GNAI1: variants seen among roughly 807,000 people sequenced by gnomAD.
The protein encoded by GNAI1 is G protein subunit alpha i1, also known as guanine nucleotide-binding protein G(i) subunit alpha-1.
A neutral mutation model predicts 38.9 loss-of-function variants in GNAI1; 11 were observed. The observed-to-expected ratio is 0.28, with a 90% CI of 0.18 to 0.47. The LOEUF is 0.47. Ranked by LOEUF, GNAI1 falls within the 20% of genes least tolerant of loss-of-function variation. The pLI is 0.99. For missense variants in GNAI1, 317 were observed against 436.9 expected (o/e 0.73, Z 2.45); for synonymous variants, 166 against 145.1 (o/e 1.14, Z -1.04).
At chr7:80,138,988 G>C (rs544243849) in intron 1 of GNAI1, among the ~76,000 whole-genome samples, 2 of 152,228 alleles carry the variant, frequency 1.3e-5, no homozygotes, top group South Asian at 4.2e-4. Flanking sequence ...TCCCCTAGTT[G>C]AGAAATGTTG....
rs59104301 is a variant in GNAI1, at chr7:80,180,322, AGTGTGTGT to A, written c.119-8608_119-8601del. On this transcript the variant is annotated intron_variant, in intron 1 of 7. Coordinates refer to ENST00000649796, the MANE Select transcript of GNAI1 (RefSeq NM_002069.6). ...ACTATAAAACAGAACATTCTTATAA[AGTGTGTGT>A]GTGTGTGTGTGTGTGTGTGTATATA... 4.7e-3 allele frequency among the ~76,000 whole-genome samples: 710 copies of A among 150,184 alleles called. 5 individuals are homozygous for A. Among genetic ancestry groups the A allele is most frequent in the African/African-American group, 0.015 (622 of 41,072 alleles).
intron 1 of GNAI1, among the ~76,000 whole-genome samples, chr7:80,178,465 T>A (rs73378672): frequency 0.027 from 4,178 of 152,282 alleles, 109 homozygotes; most frequent in African/African-American, 0.073. Flanking sequence ...TTCATTATTG[T>A]ATTTTAAGAA....
intron 4 of GNAI1, among the ~76,000 whole-genome samples, chr7:80,202,130 C>T (rs958905208): frequency 1.6e-4 from 24 of 151,870 alleles, no homozygotes; most frequent in African/African-American, 3.4e-4. Flanking sequence ...GGGCTTTGTC[C>T]CCAGGCTGGA....
intron 1 of GNAI1, among the ~76,000 whole-genome samples, chr7:80,161,364 C>A (rs1178047431): frequency 6.6e-6 from 1 of 152,272 alleles, no homozygotes; most frequent in Non-Finnish European, 1.5e-5. Flanking sequence ...AAATTAGAAT[C>A]TTATATCAGC....
At chr7:80,156,347 T>C (rs550675870) in intron 1 of GNAI1, among the ~76,000 whole-genome samples, 1 of 152,326 alleles carries the variant, frequency 6.6e-6, no homozygotes, top group South Asian at 2.1e-4. Context: ...ATTTAAGATT[T>C]CCTTTTGCAA....
Position 80,220,460 on chromosome 7 carries a change from C to T in GNAI1, c.*2967C>T, listed in dbSNP as rs1489882368. On this transcript the variant is annotated 3_prime_UTR_variant, in exon 8 of 8. Coordinates refer to ENST00000649796, the MANE Select transcript of GNAI1 (RefSeq NM_002069.6). Reference sequence around the variant, plus strand: ...AACTACATGATTCTGATAGAGCTGCCAATCGCATTTCTTACTTCTCCGTCT... The same window carrying T: ...AACTACATGATTCTGATAGAGCTGCTAATCGCATTTCTTACTTCTCCGTCT... Among the ~76,000 whole-genome samples, 1 of 152,174 alleles carries T rather than the reference C, an allele frequency of 6.6e-6. No homozygotes were observed. Among genetic ancestry groups the T allele is most frequent in the Non-Finnish European group, 1.5e-5 (1 of 68,034 alleles).
chr7:80,206,570 T>G (rs1170172738), intron 5 of GNAI1, among the ~76,000 whole-genome samples: 2 of 152,064 alleles, frequency 1.3e-5, no homozygotes, highest in East Asian at 1.9e-4. Context: ...ACTATCAGAT[T>G]GGGACTTAGA....
At chr7:80,168,661 G>C (rs1183232385) in intron 1 of GNAI1, among the ~76,000 whole-genome samples, 1 of 152,168 alleles carries the variant, frequency 6.6e-6, no homozygotes, top group African/African-American at 2.4e-5. Flanking sequence ...GGGATTACAG[G>C]CGTGAGCCAC....
intron 1 of GNAI1, among the ~76,000 whole-genome samples, chr7:80,154,535 C>G (rs1330925253): frequency 6.6e-6 from 1 of 152,168 alleles, no homozygotes; most frequent in African/African-American, 2.4e-5. Context: ...AATTTCCAGA[C>G]TGAAGTTATC....
chr7:80,136,035 C>T (rs1787408977), intron 1 of GNAI1: 2 of 985,388 alleles, frequency 2.0e-6, no homozygotes, highest in Non-Finnish European at 2.4e-6. Flanking sequence ...AGGGTTCTGT[C>T]TCCGCTGCCA....
intron 5 of GNAI1, among the ~76,000 whole-genome samples, chr7:80,206,284 G>A (rs1324971362): frequency 6.6e-6 from 1 of 151,816 alleles, no homozygotes; most frequent in Non-Finnish European, 1.5e-5. Flanking sequence ...TAATTTATGT[G>A]GCAACATTAG....
chr7:80,153,989 CT>C (rs1295495786), intron 1 of GNAI1, among the ~76,000 whole-genome samples: 249 of 152,264 alleles, frequency 1.6e-3, no homozygotes, highest in Middle Eastern at 0.014. Context: ...GAGACATGAT[CT>C]CGGCTCACTG....
intron 1 of GNAI1, among the ~76,000 whole-genome samples, chr7:80,149,374 T>C (rs919465629): frequency 1.3e-5 from 2 of 152,090 alleles, no homozygotes; most frequent in African/African-American, 4.8e-5. Flanking sequence ...AATTATTGGG[T>C]TAAAAGTTTT....
chr7:80,198,603 A>C (rs181621728), intron 3 of GNAI1, among the ~76,000 whole-genome samples: 4 of 152,208 alleles, frequency 2.6e-5, no homozygotes, highest in East Asian at 1.9e-4. Flanking sequence ...TTTGTTTTCT[A>C]TGCCTGGATT....
Position 80,222,350 on chromosome 7 carries a change from C to CT in GNAI1, c.*4858dup, listed in dbSNP as rs1303838531. ...TCCATCCGTAAAGTGGATGGAAACA[C>CT]TGTCATTGAAGGAGCTAGTTCTTCA... On this transcript the variant is annotated 3_prime_UTR_variant, in exon 8 of 8. Transcript: ENST00000649796. 6.6e-6 allele frequency among the ~76,000 whole-genome samples: 1 copy of CT among 150,392 alleles called. No individual in the cohort carries two copies. Among genetic ancestry groups the CT allele is most frequent in the Non-Finnish European group, 1.5e-5 (1 of 67,742 alleles).
chr7:80,134,957 C>G lies in GNAI1; in HGVS notation c.-204C>G. ...GCTGAGCCGGGCCGGGAAGCAGAGCCTGGTCGTGAGGAACAGCCGCCCGTT... is the reference window on the plus strand; with the variant it reads ...GCTGAGCCGGGCCGGGAAGCAGAGCGTGGTCGTGAGGAACAGCCGCCCGTT... On this transcript the variant is annotated 5_prime_UTR_variant, in exon 1 of 8. Transcript: ENST00000649796. The G allele has an allele frequency of 2.5e-6, 1 of 398,552 alleles. No individual in the cohort carries two copies. The highest frequency in any genetic ancestry group is 5.0e-4 in the Middle Eastern group (1 of 2,010). 24.7% of individuals were successfully genotyped at this position (398,552 alleles called of 1,614,324 possible).
intron 1 of GNAI1, among the ~76,000 whole-genome samples, chr7:80,162,278 C>T (rs1364173849): frequency 1.3e-5 from 2 of 152,074 alleles, no homozygotes; most frequent in African/African-American, 4.8e-5. Context: ...TTGTTTAGGC[C>T]ACCCAGTCTG....
chr7:80,212,983 C>A (rs1055298605), intron 7 of GNAI1, 114 bp downstream of exon 7: 3 of 691,060 alleles, frequency 4.3e-6, no homozygotes, highest in Admixed American at 3.0e-5. Flanking sequence ...ATTCTTAGAC[C>A]TTTAAGGGGT....
At chr7:80,209,041 A>G (rs1397316736) in intron 5 of GNAI1, among the ~76,000 whole-genome samples, 1 of 152,118 alleles carries the variant, frequency 6.6e-6, no homozygotes, top group African/African-American at 2.4e-5. Flanking sequence ...CTTTATTTCC[A>G]TCTCAGCTCT....
Sources: gnomAD v4.1 joint callset for allele counts (sites outside exome capture counted in the v4.1 genomes callset) on GRCh38, gnomAD v4.1.1 for gene constraint, MANE v1.5 for transcripts, NCBI Gene and HGNC (gene_info 2026-07-23, HGNC 2026-07-21) for gene names.